Variants in ZYG11B observed in about 807,000 individuals in gnomAD.
ZYG11B encodes zyg-11 family member B, cell cycle regulator.
A neutral mutation model predicts 82.4 loss-of-function variants in ZYG11B; 36 were observed. The observed-to-expected ratio is 0.44, with a 90% CI of 0.33 to 0.58. ZYG11B has a LOEUF of 0.58. Among genes scored for constraint, ZYG11B ranks in the 20% least tolerant of loss-of-function variants. The pLI, the probability that ZYG11B is intolerant of heterozygous loss-of-function variation, is 0.02. For synonymous variants in ZYG11B, 303 were observed against 312.8 expected (o/e 0.97, Z 0.33); for missense variants, 552 against 895.6 (o/e 0.62, Z 4.90).
In ZYG11B at chr1:52,821,529, A is replaced by G; in HGVS notation, c.2135A>G (p.Gln712Arg). The change falls in exon 14 of 14, where the codon CAA becomes CGA. Residue 712 changes from glutamine (Q) to arginine (R), a missense_variant. Physicochemically the swap from Gln to Arg is conservative, Grantham distance 43. Transcript: ENST00000294353. ...CATGAACATACTGATCCCCATGTCCAACAGATTGCTGTGGCCATTCTGGAT... is the reference window on the plus strand; with the variant it reads ...CATGAACATACTGATCCCCATGTCCGACAGATTGCTGTGGCCATTCTGGAT... ...KDHEHTDPHV[Q>R]QIAVAILDSL... The G allele has an allele frequency of 6.2e-7, 1 of 1,614,148 alleles. No individual in the cohort carries two copies. Among genetic ancestry groups the G allele is most frequent in the South Asian group, 1.1e-5 (1 of 91,074 alleles).
At chr1:52,769,103 A>G (rs1239836484) in intron 2 of ZYG11B, among the ~76,000 whole-genome samples, 2 of 152,156 alleles carry the variant, frequency 1.3e-5, no homozygotes, top group Non-Finnish European at 2.9e-5. Flanking sequence ...CCATGGGATT[A>G]TGAATCCTTT....
In ZYG11B at chr1:52,820,851, A is replaced by T. The variant is rs1317929624; in HGVS notation, c.2045-588A>T. 4.6e-5 allele frequency among the ~76,000 whole-genome samples: 7 copies of T among 151,964 alleles called. No individual in the cohort carries two copies. The East Asian group carries it at 1.4e-3, about 29-fold the overall frequency. On this transcript the variant is annotated intron_variant, in intron 13 of 13. Transcript: ENST00000294353. Reference sequence around the variant, plus strand: ...CATTATGGCTCATGCCTGTAATTCTAGTACTTTGGGAGGCTGAGGCGGGAG... The same window carrying T: ...CATTATGGCTCATGCCTGTAATTCTTGTACTTTGGGAGGCTGAGGCGGGAG...
At chr1:52,743,963 C>T (rs12077158) in intron 1 of ZYG11B, among the ~76,000 whole-genome samples, 3,707 of 151,628 alleles carry the variant, frequency 0.024, 154 homozygotes, top group African/African-American at 0.085. Flanking sequence ...GACAGAGTCT[C>T]GCTCTGTCAC....
chr1:52,784,779 C>G (rs138199145), intron 4 of ZYG11B, 98 bp from the exon 5 acceptor site: 2 of 1,320,788 alleles, frequency 1.5e-6, no homozygotes, highest in African/African-American at 3.0e-5. Context: ...AAAATTATGA[C>G]ATCTTTGAAA....
At position 52,821,764 on chromosome 1, in the gene ZYG11B, T is replaced by A; in HGVS notation, c.*135T>A. ...AAATCAGTTTGGGATTGATAATGTG[T>A]AGTACTGCCCATGTGAACAGTCTCT... On this transcript the variant is annotated 3_prime_UTR_variant, in exon 14 of 14. Coordinates refer to ENST00000294353, the MANE Select transcript of ZYG11B (RefSeq NM_024646.3). 1 of 726,916 alleles carries A rather than the reference T, an allele frequency of 1.4e-6. No homozygotes were observed. The highest frequency in any genetic ancestry group is 2.2e-6 in the Non-Finnish European group (1 of 453,788). The allele number at this position is 726,916 out of a possible 1,614,324, so 45.0% of individuals were successfully genotyped here.
chr1:52,804,747 C>T (rs1305452540), intron 10 of ZYG11B, among the ~76,000 whole-genome samples: 4 of 152,088 alleles, frequency 2.6e-5, no homozygotes, highest in African/African-American at 4.8e-5. Context: ...ATTGCTGTAA[C>T]AGGCAAAGTG....
At position 52,807,222 on chromosome 1, in the gene ZYG11B, G is replaced by A. The variant is rs547044519; in HGVS notation, c.1695+5083G>A. Among the ~76,000 whole-genome samples, 99 of 151,054 alleles carry A rather than the reference G, an allele frequency of 6.6e-4. 2 individuals are homozygous for A. The highest frequency in any genetic ancestry group is 9.7e-5 in the African/African-American group (4 of 41,108). On this transcript the variant is annotated intron_variant, in intron 10 of 13. Transcript: ENST00000294353. Reference sequence around the variant, plus strand: ...TCACCATGTTGTCCAGGCTGATCACGAACTTCTGACCTCAAGTGATCCACC... The same window carrying A: ...TCACCATGTTGTCCAGGCTGATCACAAACTTCTGACCTCAAGTGATCCACC...
intron 3 of ZYG11B, among the ~76,000 whole-genome samples, chr1:52,778,412 C>T (rs988701941): frequency 1.3e-5 from 2 of 152,106 alleles, no homozygotes; most frequent in East Asian, 3.9e-4. Flanking sequence ...AGATATAAGC[C>T]ACTCTGCCAG....
At position 52,771,901 on chromosome 1, in the gene ZYG11B, G is replaced by A; in HGVS notation, c.951+127G>A. 2.6e-6 allele frequency: 3 copies of A among 1,152,240 alleles called. No individual in the cohort carries two copies. Among genetic ancestry groups the A allele is most frequent in the Non-Finnish European group, 3.7e-6 (3 of 821,918 alleles). 71.4% of individuals were successfully genotyped at this position (1,152,240 alleles called of 1,614,324 possible). ...GAAACAGGGCTGCATATAGTTGAAA[G>A]GCTTAGAGTCCTAATTAAAATCTCA... On this transcript the variant is annotated intron_variant, in intron 3 of 13. Coordinates refer to ENST00000294353, the MANE Select transcript of ZYG11B (RefSeq NM_024646.3). The surrounding 1 kb of genome is among the most constrained non-coding windows in gnomAD (Gnocchi z 5.4).
At chr1:52,729,816 CTT>C (rs1019983074) in intron 1 of ZYG11B, among the ~76,000 whole-genome samples, 1 of 149,024 alleles carries the variant, frequency 6.7e-6, no homozygotes. Context: ...GGTGGCAGTT[CTT>C]TTTTTTTTGA....
At chr1:52,812,997 G>C (rs1645196468) in intron 10 of ZYG11B, among the ~76,000 whole-genome samples, 1 of 151,966 alleles carries the variant, frequency 6.6e-6, no homozygotes, top group African/African-American at 2.4e-5. Flanking sequence ...CTATTTATTT[G>C]TTTTGTTAGA....
At chr1:52,759,821 T>A (rs528490064) in intron 2 of ZYG11B, among the ~76,000 whole-genome samples, 4 of 152,346 alleles carry the variant, frequency 2.6e-5, no homozygotes, top group Admixed American at 6.5e-5. Flanking sequence ...TTTTATTTTT[T>A]ATTTATTGCT....
chr1:52,755,543 C>G lies in ZYG11B; in HGVS notation c.31-915C>G, dbSNP rs554422318. Among the ~76,000 whole-genome samples the G allele has an allele frequency of 3.3e-5, 5 of 152,132 alleles. No individual in the cohort carries two copies. The East Asian group carries it at 7.8e-4, about 24-fold the overall frequency. On this transcript the variant is annotated intron_variant, in intron 1 of 13. Coordinates refer to ENST00000294353, the MANE Select transcript of ZYG11B (RefSeq NM_024646.3). Reference sequence around the variant, plus strand: ...TGAGACGGAGTTTCGCTCTTGTTGCCCAGGCTAGAGTGCAATGGCATAATC... The same window carrying G: ...TGAGACGGAGTTTCGCTCTTGTTGCGCAGGCTAGAGTGCAATGGCATAATC...
chr1:52,821,718 G>C lies in ZYG11B; in HGVS notation c.*89G>C, dbSNP rs1645285863. The C allele has an allele frequency of 1.6e-6, 2 of 1,276,818 alleles. No individual in the cohort carries two copies. The highest frequency in any genetic ancestry group is 2.2e-6 in the Non-Finnish European group (2 of 927,776). 79.1% of individuals were successfully genotyped at this position (1,276,818 alleles called of 1,614,324 possible). A position where few individuals can be genotyped will look rare whatever the true frequency, so the allele number is the denominator to read the frequency against. ...TCTTACCCTCCCTGATGTTTTGGGG[G>C]TTTCTATGACAAGAGTCATAAAATC... On this transcript the variant is annotated 3_prime_UTR_variant, in exon 14 of 14. Coordinates refer to ENST00000294353, the MANE Select transcript of ZYG11B (RefSeq NM_024646.3).
chr1:52,807,372 T>C (rs1645149631), intron 10 of ZYG11B, among the ~76,000 whole-genome samples: 1 of 152,112 alleles, frequency 6.6e-6, no homozygotes. Flanking sequence ...TCCATGACCT[T>C]ACATACTTAC....
chr1:52,774,202 A>C (rs1035420388), intron 3 of ZYG11B, among the ~76,000 whole-genome samples: 1 of 151,316 alleles, frequency 6.6e-6, no homozygotes, highest in African/African-American at 2.4e-5. Flanking sequence ...TACAGTGGGC[A>C]TGAACAGGCT....
chr1:52,792,603 T>C (rs935386305), intron 6 of ZYG11B, among the ~76,000 whole-genome samples: 17 of 152,350 alleles, frequency 1.1e-4, no homozygotes, highest in African/African-American at 3.6e-4. Flanking sequence ...AAATTCAGTC[T>C]GACTCCAGGG....
intron 4 of ZYG11B, among the ~76,000 whole-genome samples, chr1:52,784,024 C>T (rs560415483): frequency 3.8e-5 from 5 of 129,914 alleles, no homozygotes; most frequent in African/African-American, 6.4e-5. Flanking sequence ...GGAGTTTCAC[C>T]GTTGTCATCC....
At chr1:52,758,189 ACT>A (rs1287788211) in intron 2 of ZYG11B, among the ~76,000 whole-genome samples, 2 of 134,204 alleles carry the variant, frequency 1.5e-5, no homozygotes, top group Non-Finnish European at 3.1e-5. Context: ...ACAGAGCAAG[ACT>A]CTGTCTCAAA....
Sources: gnomAD v4.1 joint callset for allele counts (sites outside exome capture counted in the v4.1 genomes callset) on GRCh38, gnomAD v4.1.1 for gene constraint, Gnocchi (gnomAD v3.1) non-coding constraint, MANE v1.5 for transcripts, NCBI Gene and HGNC (gene_info 2026-07-23, HGNC 2026-07-21) for gene names.